DAB1: variants seen among roughly 807,000 people sequenced by gnomAD.
DAB1 encodes disabled homolog 1.
A neutral mutation model predicts 64.6 loss-of-function variants in DAB1; 15 were observed. That is an observed-to-expected ratio of 0.23 (90% CI 0.16 to 0.36). DAB1 has a LOEUF of 0.36. Among genes scored for constraint, DAB1 ranks in the 10% least tolerant of loss-of-function variants. The pLI is 1.00. For synonymous variants in DAB1, 235 were observed against 251.9 expected (o/e 0.93, Z 0.64); for missense variants, 596 against 706.7 (o/e 0.84, Z 1.78).
At chr1:58,147,657 C>T (rs1025777665) in intron 5 of DAB1, among the ~76,000 whole-genome samples, 8 of 151,918 alleles carry the variant, frequency 5.3e-5, no homozygotes, top group African/African-American at 1.7e-4. Context: ...AATATAGAGG[C>T]TTCTCAAAAA....
intron 2 of DAB1, among the ~76,000 whole-genome samples, chr1:57,265,768 C>T (rs1248095644): frequency 6.6e-5 from 10 of 152,276 alleles, no homozygotes; most frequent in South Asian, 4.1e-4. Flanking sequence ...ATGTGACAGA[C>T]GGAGAGCAGG....
At position 57,096,661 on chromosome 1, in the gene DAB1, T is replaced by A. The variant is rs79984378; in HGVS notation, c.307-24247A>T. ...CCCAAGCTACAGTCACTCCCCACAG[T>A]CAATCCCTATCATGTCACCCTCTTT... On this transcript the variant is annotated intron_variant, in intron 4 of 14. Transcript: ENST00000371236. Among the ~76,000 whole-genome samples, 488 of 152,254 alleles carry A rather than the reference T, an allele frequency of 3.2e-3. 2 individuals are homozygous for A. The highest frequency in any genetic ancestry group is 4.6e-3 in the Non-Finnish European group (316 of 68,012).
intron 3 of DAB1, among the ~76,000 whole-genome samples, chr1:58,396,782 T>G: frequency 6.7e-6 from 1 of 148,302 alleles, no homozygotes. Flanking sequence ...AGAGAGGGAG[T>G]CCGGGCGCGG....
chr1:57,210,280 T>A (rs1387850629), intron 2 of DAB1, among the ~76,000 whole-genome samples: 5 of 152,202 alleles, frequency 3.3e-5, no homozygotes, highest in Non-Finnish European at 5.9e-5. Context: ...CTATGATTTT[T>A]AAAAATAACC....
intron 6 of DAB1, among the ~76,000 whole-genome samples, chr1:57,754,637 C>A (rs1345019228): frequency 6.6e-6 from 1 of 151,082 alleles, no homozygotes; most frequent in Admixed American, 6.6e-5. Flanking sequence ...TTGCAGTGAG[C>A]TGAGAGTGTG....
At chr1:58,245,906 A>G (rs1660507848) in intron 4 of DAB1, among the ~76,000 whole-genome samples, 1 of 152,200 alleles carries the variant, frequency 6.6e-6, no homozygotes, top group Non-Finnish European at 1.5e-5. Context: ...ACAGTATCGT[A>G]TAAGGTATGA....
At chr1:58,003,250 A>G (rs1285105343) in intron 5 of DAB1, among the ~76,000 whole-genome samples, 1 of 152,142 alleles carries the variant, frequency 6.6e-6, no homozygotes, top group Non-Finnish European at 1.5e-5. Flanking sequence ...TTTTCAGGCT[A>G]TTGAGTGTAT....
intron 2 of DAB1, among the ~76,000 whole-genome samples, chr1:58,524,468 A>G (rs983453746): frequency 2.6e-5 from 4 of 152,236 alleles, no homozygotes; most frequent in Admixed American, 2.6e-4. Flanking sequence ...GAATCATATT[A>G]GAGTCTATAG....
chr1:57,973,979 CA>C (rs1645859704), intron 5 of DAB1, among the ~76,000 whole-genome samples: 1 of 152,156 alleles, frequency 6.6e-6, no homozygotes, highest in South Asian at 2.1e-4. Flanking sequence ...CTTACCATTT[CA>C]TAAAACACCC....
chr1:58,006,757 C>G (rs751117402), intron 5 of DAB1, among the ~76,000 whole-genome samples: 4 of 152,174 alleles, frequency 2.6e-5, no homozygotes, highest in Non-Finnish European at 5.9e-5. Context: ...ATGATTCCCT[C>G]TCTCGCAAGC....
intron 3 of DAB1, among the ~76,000 whole-genome samples, chr1:58,421,888 G>A (rs1362797442): frequency 6.6e-6 from 1 of 152,096 alleles, no homozygotes; most frequent in Non-Finnish European, 1.5e-5. Flanking sequence ...TTGAAGTCAA[G>A]GAGACATGTT....
At chr1:57,631,198 G>A (rs1480142819) in intron 7 of DAB1, among the ~76,000 whole-genome samples, 1 of 152,056 alleles carries the variant, frequency 6.6e-6, no homozygotes, top group Non-Finnish European at 1.5e-5. Context: ...TGGAAGGAAG[G>A]GTTGTTCAAA....
chr1:57,602,247 C>T (rs890037690), intron 7 of DAB1, among the ~76,000 whole-genome samples: 12 of 152,154 alleles, frequency 7.9e-5, no homozygotes, highest in African/African-American at 2.9e-4. Context: ...AAGCACTTTC[C>T]ACATTTCTGT....
At chr1:57,405,248 A>C (rs2101041712) in intron 1 of DAB1, among the ~76,000 whole-genome samples, 1 of 152,346 alleles carries the variant, frequency 6.6e-6, no homozygotes, top group South Asian at 2.1e-4. Flanking sequence ...GTTTCACGGA[A>C]GCTTGTGCCA....
chr1:58,404,764 AACAC>A (rs1644601332), intron 3 of DAB1, among the ~76,000 whole-genome samples: 1 of 149,080 alleles, frequency 6.7e-6, no homozygotes, highest in South Asian at 2.1e-4. Flanking sequence ...CCTCATATGT[AACAC>A]ACAGGGTGGC....
intron 3 of DAB1, among the ~76,000 whole-genome samples, chr1:58,481,698 A>G (rs569433271): frequency 3.9e-4 from 43 of 109,442 alleles, no homozygotes; most frequent in African/African-American, 1.3e-3. Context: ...TAATTCCCAC[A>G]TGTCATGGGA....
At chr1:57,188,683 G>A (rs750713764) in intron 2 of DAB1, among the ~76,000 whole-genome samples, 3 of 152,092 alleles carry the variant, frequency 2.0e-5, no homozygotes, top group Non-Finnish European at 4.4e-5. Context: ...TGGTCTTGAG[G>A]TTTTCTCCCA....
At chr1:57,747,287 T>C (rs528722375) in intron 6 of DAB1, among the ~76,000 whole-genome samples, 113 of 152,278 alleles carry the variant, frequency 7.4e-4, no homozygotes, top group African/African-American at 2.6e-3. Context: ...AAGAGTAGGG[T>C]TGTCCTTCTC....
intron 5 of DAB1, among the ~76,000 whole-genome samples, chr1:57,977,488 G>A (rs1052270697): frequency 1.3e-5 from 2 of 152,152 alleles, no homozygotes; most frequent in Admixed American, 6.6e-5. Flanking sequence ...TTGCAAAGTT[G>A]TTAAGAGCTC....
Sources: gnomAD v4.1 joint callset for allele counts (sites outside exome capture counted in the v4.1 genomes callset) on GRCh38, gnomAD v4.1.1 for gene constraint, MANE v1.5 for transcripts, NCBI Gene and HGNC (gene_info 2026-07-23, HGNC 2026-07-21) for gene names.